PRICKLE2: variants seen among roughly 807,000 people sequenced by gnomAD.
PRICKLE2 encodes the protein prickle planar cell polarity protein 2, also known as prickle-like protein 2.
Under a neutral mutation model 81.4 loss-of-function variants are expected in PRICKLE2, and 21 were observed. The observed-to-expected ratio is 0.26, with a 90% CI of 0.18 to 0.37. The LOEUF is 0.37. PRICKLE2 is among the 10% of genes least tolerant of loss of function. The pLI is 1.00. For synonymous variants in PRICKLE2, 456 were observed against 421.5 expected, an observed-to-expected ratio of 1.08 and a Z score of -1.00; for missense variants, 940 against 1,109.0, an observed-to-expected ratio of 0.85 and a Z score of 2.16.
chr3:64,237,996 T>C (rs2079207435), intron 2 of PRICKLE2, among the ~76,000 whole-genome samples: 1 of 152,118 alleles, frequency 6.6e-6, no homozygotes, highest in Non-Finnish European at 1.5e-5. Flanking sequence ...CTGAAGACTG[T>C]CAACCCTCCC....
intron 6 of PRICKLE2, among the ~76,000 whole-genome samples, chr3:64,148,396 C>G (rs1294945298): frequency 6.6e-6 from 1 of 152,186 alleles, no homozygotes; most frequent in Admixed American, 6.5e-5. Context: ...TTATTTCTCT[C>G]CCCCGCTAAA....
intron 2 of PRICKLE2, among the ~76,000 whole-genome samples, chr3:64,233,413 C>T (rs1486573005): frequency 2.6e-5 from 4 of 152,220 alleles, no homozygotes; most frequent in African/African-American, 4.8e-5. Context: ...CCTATTGCTT[C>T]TCCGACACTA....
rs2076619764 is a variant in PRICKLE2, at chr3:64,099,506, G to T, written c.2080C>A (p.Arg694Ser). The change falls in exon 8 of 8, where the codon CGC (arginine) becomes AGC (serine). Residue 694 changes from arginine to serine, a missense_variant. Physicochemically the swap from Arg to Ser is moderately radical, Grantham distance 110. This residue lies in a region of PRICKLE2 where 670 missense variants were observed against 717.2 expected (regional missense o/e 0.93). Coordinates refer to ENST00000638394, the MANE Select transcript of PRICKLE2 (RefSeq NM_198859.4). The surrounding 1 kb of genome is among the most constrained non-coding windows in gnomAD (Gnocchi z 4.3). ...PHRSRRSRRSRSDNALHLASE... is the reference protein window; with the variant it reads ...PHRSRRSRRSSSDNALHLASE... ...GCCAGGTGGAGGGCGTTGTCGGAGC[G>T]AGAGCGTCGGGAACGCCTGGACCTG... The T allele has an allele frequency of 1.3e-6, 2 of 1,599,156 alleles. No homozygotes were observed. Among genetic ancestry groups the T allele is most frequent in the Non-Finnish European group, 1.7e-6 (2 of 1,168,696 alleles).
chr3:64,121,355 T>C (rs2077024925), intron 7 of PRICKLE2, among the ~76,000 whole-genome samples: 2 of 151,854 alleles, frequency 1.3e-5, no homozygotes, highest in African/African-American at 2.4e-5. Context: ...GAAAATGCAT[T>C]GTTTTCCATA....
At chr3:64,163,171 A>C (rs1485692487) in intron 2 of PRICKLE2, 42 bp from the exon 3 acceptor site, 1 of 1,184,020 alleles carries the variant, frequency 8.4e-7, no homozygotes, top group African/African-American at 1.5e-5. Flanking sequence ...CCATTACTCA[A>C]ACCATGTGCC....
At chr3:64,112,782 G>C (rs2076870491) in intron 7 of PRICKLE2, among the ~76,000 whole-genome samples, 1 of 152,030 alleles carries the variant, frequency 6.6e-6, no homozygotes, top group African/African-American at 2.4e-5. Context: ...CTAATATACA[G>C]AATCTATAAA....
intron 2 of PRICKLE2, chr3:64,268,064 C>T (rs940272327): frequency 1.3e-5 from 2 of 152,250 alleles, no homozygotes. Context: ...GAAGGGGGCC[C>T]TGCAGGGGCT....
chr3:64,131,228 C>A (rs1396298586), intron 7 of PRICKLE2, among the ~76,000 whole-genome samples: 1 of 152,164 alleles, frequency 6.6e-6, no homozygotes, highest in East Asian at 1.9e-4. Context: ...CATATGATTT[C>A]CCCCCAATAA....
chr3:64,169,926 A>G (rs933953391), intron 2 of PRICKLE2, among the ~76,000 whole-genome samples: 1 of 152,192 alleles, frequency 6.6e-6, no homozygotes, highest in Non-Finnish European at 1.5e-5. Flanking sequence ...TTAAAAAAGT[A>G]CACAGTGGTT....
chr3:64,249,027 A>T (rs548279099), intron 2 of PRICKLE2, among the ~76,000 whole-genome samples: 84 of 152,322 alleles, frequency 5.5e-4, no homozygotes, highest in Admixed American at 1.4e-3. Flanking sequence ...TATTACATAA[A>T]GGAAAATAAA....
chr3:64,228,255 G>C (rs1022810296), upstream of PRICKLE2, among the ~76,000 whole-genome samples: 4 of 152,216 alleles, frequency 2.6e-5, no homozygotes, highest in African/African-American at 9.6e-5. Flanking sequence ...TTGGCAATCA[G>C]AGAGAAGACA....
Position 64,198,791 on chromosome 3 carries a change from G to A in PRICKLE2, c.137C>T (p.Pro46Leu). 1 of 1,614,134 alleles carries A rather than the reference G, an allele frequency of 6.2e-7. No individual in the cohort carries two copies. Among genetic ancestry groups the A allele is most frequent in the Non-Finnish European group, 8.5e-7 (1 of 1,180,012 alleles). ...TCCCATCCAGAATGGTACCTGTTCA[G>A]GCTTCAGACCCGGCGGGACCCAGGC... ...EYAWVPPGLK[P>L]EQVHQYYSCL... is the part of the protein sequence containing the mutation. The change falls in exon 2 of 8, where the codon CCT becomes CTT. Residue 46 changes from proline to leucine, a missense_variant. Around this residue, in one of 2 missense-constraint regions of PRICKLE2, gnomAD observed 270 missense variants for 391.8 expected, o/e 0.69. Transcript: ENST00000638394.
At chr3:64,115,607 A>C (rs1026451535) in intron 7 of PRICKLE2, among the ~76,000 whole-genome samples, 1 of 152,232 alleles carries the variant, frequency 6.6e-6, no homozygotes, top group Non-Finnish European at 1.5e-5. Flanking sequence ...AAAGAAGGGC[A>C]TTATGTAATG....
chr3:64,151,871 G>A (rs931866772), intron 6 of PRICKLE2, among the ~76,000 whole-genome samples: 1 of 152,164 alleles, frequency 6.6e-6, no homozygotes, highest in Admixed American at 6.5e-5. Flanking sequence ...GGCTGTGAGA[G>A]GGGTGAGGTT....
chr3:64,147,335 T>C lies in PRICKLE2; in HGVS notation c.1155A>G (p.Thr385=). The C allele has an allele frequency of 1.2e-6, 2 of 1,614,080 alleles. No individual in the cohort carries two copies. The highest frequency in any genetic ancestry group is 1.7e-6 in the Non-Finnish European group (2 of 1,180,006). ...AGATGGGGTCCCGGTTGAGGCTGGG[T>C]GTCTGGCTGGACAGGCTGAGCATGT... is the stretch of plus-strand genomic sequence containing the variant. ...QMDMLSLSSQ[T]PSLNRDPIWR... Residue 385 remains threonine, a synonymous_variant, in exon 7 of 8, where the codon ACA becomes ACG. Transcript: ENST00000638394. The surrounding 1 kb of genome is among the most constrained non-coding windows in gnomAD (Gnocchi z 5.0).
intron 7 of PRICKLE2, among the ~76,000 whole-genome samples, chr3:64,104,206 C>T (rs757929012): frequency 5.9e-5 from 9 of 152,092 alleles, no homozygotes; most frequent in Admixed American, 5.2e-4. Context: ...TCATAAAAGC[C>T]GATTTACAAC....
At chr3:64,252,412 T>C (rs900948056) in intron 2 of PRICKLE2, among the ~76,000 whole-genome samples, 10 of 152,082 alleles carry the variant, frequency 6.6e-5, no homozygotes, top group African/African-American at 2.4e-4. Context: ...ATCCCTTGGG[T>C]GAACTGTTGG....
intron 4 of PRICKLE2, among the ~76,000 whole-genome samples, chr3:64,158,508 T>A (rs758445397): frequency 6.6e-6 from 1 of 152,244 alleles, no homozygotes; most frequent in Admixed American, 6.5e-5. Context: ...GTCAAGGTCA[T>A]CTGGAAGAAA....
At chr3:64,173,371 T>C (rs1286293614) in intron 2 of PRICKLE2, among the ~76,000 whole-genome samples, 1 of 152,104 alleles carries the variant, frequency 6.6e-6, no homozygotes, top group Non-Finnish European at 1.5e-5. Flanking sequence ...TATACAGATA[T>C]AATAGGCAAA....
Sources: allele counts gnomAD v4.1 joint callset (sites outside exome capture counted in the v4.1 genomes callset), GRCh38; gene constraint gnomAD v4.1.1; regional missense constraint gnomAD v4.1.1; non-coding constraint Gnocchi (gnomAD v3.1); transcripts MANE v1.5; gene names NCBI Gene and HGNC (gene_info 2026-07-23, HGNC 2026-07-21).